ADGRL2: variants seen among roughly 807,000 people sequenced by gnomAD.
ADGRL2 encodes the protein adhesion G protein-coupled receptor L2.
Under a neutral mutation model 157.4 loss-of-function variants are expected in ADGRL2, and 44 were observed. The observed-to-expected ratio is 0.28, with a 90% confidence interval of 0.22 to 0.36. The LOEUF (loss-of-function observed/expected upper bound fraction) is 0.36. Among genes scored for constraint, ADGRL2 ranks in the 10% least tolerant of loss-of-function variants. ADGRL2 has a pLI of 1.00. For synonymous variants in ADGRL2, 585 were observed against 624.7 expected, an observed-to-expected ratio of 0.94 and a Z score of 0.95; for missense variants, 1,510 against 1,768.9, an observed-to-expected ratio of 0.85 and a Z score of 2.63.
chr1:81,891,185 A>G (rs1047097306), intron 2 of ADGRL2, among the ~76,000 whole-genome samples: 2 of 151,446 alleles, frequency 1.3e-5, no homozygotes, highest in Non-Finnish European at 2.9e-5. Flanking sequence ...TCTAATATTT[A>G]TTTTTACTGT....
chr1:81,526,682 T>C (rs1325251933), intron 2 of ADGRL2, among the ~76,000 whole-genome samples: 1 of 152,188 alleles, frequency 6.6e-6, no homozygotes, highest in African/African-American at 2.4e-5. Flanking sequence ...AATGTTTGTA[T>C]TTTTTCTGCT....
At chr1:81,563,097 G>A (rs865874459) in intron 2 of ADGRL2, among the ~76,000 whole-genome samples, 1 of 152,094 alleles carries the variant, frequency 6.6e-6, no homozygotes, top group African/African-American at 2.4e-5. Flanking sequence ...AATATGACCT[G>A]TGAATGTTAG....
At chr1:81,845,268 C>T (rs2092741609) in intron 2 of ADGRL2, among the ~76,000 whole-genome samples, 1 of 151,970 alleles carries the variant, frequency 6.6e-6, no homozygotes, top group Non-Finnish European at 1.5e-5. Flanking sequence ...TACTTGCCAG[C>T]CATTTGTACT....
intron 3 of ADGRL2, among the ~76,000 whole-genome samples, chr1:81,607,326 G>C (rs183392295): frequency 6.6e-6 from 1 of 152,254 alleles, no homozygotes; most frequent in Admixed American, 6.5e-5. Context: ...GGACTTACCG[G>C]TGAATGAAAT....
In ADGRL2 at chr1:81,969,237, T is replaced by G; in HGVS notation, c.2583T>G (p.Ile861Met). ...TCATCACCTGGGTGGGAATTGTCAT[T>G]TCCCTTGTTTGCCTGGCTATCTGCA... is the stretch of plus-strand genomic sequence containing the variant. ...LTVITWVGIV[I>M]SLVCLAICIF... Residue 861 changes from isoleucine to methionine, a missense_variant, in exon 15 of 24, where the codon ATT becomes ATG. This residue lies in a region of ADGRL2 where 497 missense variants were observed against 627.2 expected (regional missense o/e 0.79). Coordinates refer to ENST00000686636, the MANE Select transcript of ADGRL2 (RefSeq NM_001366006.2). 6.2e-7 allele frequency: 1 copy of G among 1,614,110 alleles called. No individual in the cohort carries two copies. The highest frequency in any genetic ancestry group is 8.5e-7 in the Non-Finnish European group (1 of 1,179,962).
intron 2 of ADGRL2, among the ~76,000 whole-genome samples, chr1:81,493,457 C>A (rs9425193): frequency 6.6e-6 from 1 of 151,908 alleles, no homozygotes; most frequent in Non-Finnish European, 1.5e-5. Context: ...TATTAAGATA[C>A]GCTTGTGCTC....
chr1:81,616,816 A>T (rs996595106), intron 3 of ADGRL2, among the ~76,000 whole-genome samples: 55 of 151,644 alleles, frequency 3.6e-4, no homozygotes, highest in African/African-American at 1.3e-3. Context: ...AGCTGGGACC[A>T]CAGGCACCTG....
chr1:81,560,087 T>TA (rs2080406008), intron 2 of ADGRL2, among the ~76,000 whole-genome samples: 1 of 152,200 alleles, frequency 6.6e-6, no homozygotes, highest in African/African-American at 2.4e-5. Flanking sequence ...CATAGAGGCT[T>TA]GCAGCTGCCC....
chr1:81,583,020 G>C (rs1312573571), intron 3 of ADGRL2, among the ~76,000 whole-genome samples: 3 of 152,120 alleles, frequency 2.0e-5, no homozygotes, highest in Non-Finnish European at 4.4e-5. Context: ...CATGTGTCAT[G>C]GGTTAGAGGA....
At chr1:81,948,823 T>G (rs1205347262) in intron 6 of ADGRL2, among the ~76,000 whole-genome samples, 1 of 152,124 alleles carries the variant, frequency 6.6e-6, no homozygotes, top group Non-Finnish European at 1.5e-5. Context: ...AAGTTTCTCT[T>G]GAGGTAGAGG....
intron 1 of ADGRL2, among the ~76,000 whole-genome samples, chr1:81,411,463 T>C (rs2076943759): frequency 6.6e-6 from 1 of 152,134 alleles, no homozygotes. Context: ...TCTGCATTTG[T>C]GATGAGAAAC....
intron 11 of ADGRL2, among the ~76,000 whole-genome samples, chr1:81,957,788 A>G (rs1209566558): frequency 6.6e-6 from 1 of 152,152 alleles, no homozygotes; most frequent in African/African-American, 2.4e-5. Context: ...TAATTAAAAA[A>G]CACTATGGAG....
chr1:81,415,224 T>A (rs1000195596), intron 1 of ADGRL2, among the ~76,000 whole-genome samples: 4 of 152,244 alleles, frequency 2.6e-5, no homozygotes, highest in African/African-American at 7.2e-5. Context: ...TATGTTGCAA[T>A]TAAAAGGCTA....
Position 81,768,583 on chromosome 1 carries a change from C to G in ADGRL2, c.-101+6731C>G, listed in dbSNP as rs1199848255. Among the ~76,000 whole-genome samples, 5 of 151,908 alleles carry G rather than the reference C, an allele frequency of 3.3e-5. No individual in the cohort carries two copies. The South Asian group carries it at 8.3e-4, about 25-fold the overall frequency. The stretch of plus-strand genomic sequence containing the variant: ...CAATTTCCAGGGCTCAAGCAATCCT[C>G]TGGCCTCAGCCTCCCAACTGGCTGG... On this transcript the variant is annotated intron_variant, in intron 2 of 20. Coordinates refer to the ADGRL2 transcript ENST00000359929.
intron 2 of ADGRL2, among the ~76,000 whole-genome samples, chr1:81,531,767 G>A (rs1000637677): frequency 1.3e-5 from 2 of 152,170 alleles, no homozygotes; most frequent in Non-Finnish European, 2.9e-5. Context: ...TGTCTAGAAT[G>A]AAGGGCCTAT....
At chr1:81,390,796 C>T (rs1409728823) in intron 1 of ADGRL2, among the ~76,000 whole-genome samples, 2 of 152,308 alleles carry the variant, frequency 1.3e-5, no homozygotes, top group Non-Finnish European at 2.9e-5. Context: ...TATATGAATG[C>T]AACAAAATTT....
chr1:81,571,435 G>GCA (rs1553125634), intron 2 of ADGRL2, among the ~76,000 whole-genome samples: 1 of 147,602 alleles, frequency 6.8e-6, no homozygotes, highest in African/African-American at 2.5e-5. Context: ...GTGTGTGTGT[G>GCA]TATATATATA....
intron 2 of ADGRL2, among the ~76,000 whole-genome samples, chr1:81,863,060 G>C (rs1362575060): frequency 2.6e-5 from 4 of 152,062 alleles, no homozygotes; most frequent in African/African-American, 9.7e-5. Context: ...TTAAAGACAA[G>C]GGTTTTTAAA....
chr1:81,498,178 C>T (rs929646212), intron 2 of ADGRL2, among the ~76,000 whole-genome samples: 4 of 152,130 alleles, frequency 2.6e-5, no homozygotes. Flanking sequence ...GTTGTTTTCT[C>T]TCAGAACAAA....
Sources: gnomAD v4.1 joint callset for allele counts (sites outside exome capture counted in the v4.1 genomes callset) on GRCh38, gnomAD v4.1.1 for gene constraint, gnomAD v4.1.1 regional missense constraint, MANE v1.5 for transcripts, NCBI Gene and HGNC (gene_info 2026-07-23, HGNC 2026-07-21) for gene names.